The following ZBTB20 variants were observed in gnomAD, a reference collection of about 807,000 sequenced individuals.
ZBTB20 encodes the protein zinc finger and BTB domain containing 20.
In ZBTB20, 9 loss-of-function variants were observed where a neutral mutation model predicts 56.9. That is an observed-to-expected ratio of 0.16 (90% CI 0.10 to 0.28). The LOEUF (loss-of-function observed/expected upper bound fraction) is 0.28. Among genes scored for constraint, ZBTB20 ranks in the 10% least tolerant of loss-of-function variants. ZBTB20 has a pLI of 1.00. For synonymous variants in ZBTB20, 417 were observed against 420.7 expected (o/e 0.99, Z 0.11); for missense variants, 655 against 1,003.0 (o/e 0.65, Z 4.69).
intron 3 of ZBTB20, among the ~76,000 whole-genome samples, chr3:114,921,702 C>T (rs1358850023): frequency 8.2e-6 from 1 of 121,534 alleles, no homozygotes; most frequent in African/African-American, 3.3e-5. Context: ...CATCACACAC[C>T]AGAGCCTGTT....
At chr3:114,547,466 A>G (rs1292229667) in intron 6 of ZBTB20, among the ~76,000 whole-genome samples, 1 of 152,180 alleles carries the variant, frequency 6.6e-6, no homozygotes, top group Non-Finnish European at 1.5e-5. Flanking sequence ...ACTGAATGGT[A>G]ATGAAGGGCA....
intron 6 of ZBTB20, among the ~76,000 whole-genome samples, chr3:114,646,148 A>G (rs1426135229): frequency 7.0e-6 from 1 of 143,300 alleles, no homozygotes. Flanking sequence ...TACAGAAAAA[A>G]GAAGCGTTAT....
At chr3:114,371,555 A>G (rs909016641) in intron 10 of ZBTB20, among the ~76,000 whole-genome samples, 3 of 152,206 alleles carry the variant, frequency 2.0e-5, no homozygotes, top group Non-Finnish European at 4.4e-5. Context: ...TCCAGTTTAT[A>G]AAACTGCGTC....
chr3:114,425,542 A>G (rs1166398040), intron 7 of ZBTB20, among the ~76,000 whole-genome samples: 1 of 152,154 alleles, frequency 6.6e-6, no homozygotes, highest in Non-Finnish European at 1.5e-5. Context: ...ATAATTTATA[A>G]TCTTGGCTCA....
Position 114,413,384 on chromosome 3 carries a change from G to A in ZBTB20, c.-254-24279C>T, listed in dbSNP as rs183097077. On this transcript the variant is annotated intron_variant, in intron 7 of 11. Transcript: ENST00000675478. Reference sequence around the variant, plus strand: ...CAATCAACTTATAAAATTCATTAAAGGTCGATGACATAAATAGTATCACAA... The same window carrying A: ...CAATCAACTTATAAAATTCATTAAAAGTCGATGACATAAATAGTATCACAA... 5.3e-3 allele frequency among the ~76,000 whole-genome samples: 801 copies of A among 152,222 alleles called. 1 individual carries two copies. The highest frequency in any genetic ancestry group is 8.6e-3 in the Non-Finnish European group (588 of 67,988).
chr3:114,700,384 A>T (rs1376494323), intron 5 of ZBTB20, among the ~76,000 whole-genome samples: 1 of 152,166 alleles, frequency 6.6e-6, no homozygotes, highest in Non-Finnish European at 1.5e-5. Flanking sequence ...AAACTGCAAT[A>T]AGATATTGAC....
chr3:115,100,067 T>C (rs1257591984), intron 1 of ZBTB20: 3 of 151,642 alleles, frequency 2.0e-5, no homozygotes, highest in African/African-American at 7.3e-5. Context: ...AATCTGGAAA[T>C]TAAAATTCAA....
At chr3:114,567,105 T>C (rs1370425856) in intron 6 of ZBTB20, among the ~76,000 whole-genome samples, 3 of 152,208 alleles carry the variant, frequency 2.0e-5, no homozygotes, top group South Asian at 2.1e-4. Flanking sequence ...CTCAGTGCAA[T>C]GGCCACACAG....
At chr3:114,672,653 C>A (rs1434807191) in intron 6 of ZBTB20, among the ~76,000 whole-genome samples, 1 of 152,188 alleles carries the variant, frequency 6.6e-6, no homozygotes, top group African/African-American at 2.4e-5. Flanking sequence ...CTTTCCTTTA[C>A]ATTTAAATCC....
intron 5 of ZBTB20, among the ~76,000 whole-genome samples, chr3:114,737,899 C>T (rs181916199): frequency 5.9e-5 from 9 of 152,176 alleles, no homozygotes; most frequent in Non-Finnish European, 1.0e-4. Context: ...GGAAAAATAT[C>T]CCACATTCAT....
At position 114,328,088 on chromosome 3, in the gene ZBTB20, G is replaced by A. The variant is rs1043223762; in HGVS notation, c.*10917C>T. 3.9e-5 allele frequency: 6 copies of A among 152,078 alleles called. No individual in the cohort carries two copies. The highest frequency in any genetic ancestry group is 7.4e-5 in the Non-Finnish European group (5 of 68,002). 9.4% of individuals were successfully genotyped at this position (152,078 alleles called of 1,614,324 possible). ...GCATGGCTCTTTAGGTATCCATTTA[G>A]CTCTGTTATTATTTTATTTAAGTAT... On this transcript the variant is annotated 3_prime_UTR_variant, in exon 12 of 12. Transcript: ENST00000675478.
intron 4 of ZBTB20, among the ~76,000 whole-genome samples, chr3:114,846,768 T>G (rs923951912): frequency 1.2e-4 from 18 of 152,196 alleles, no homozygotes. Context: ...TTAAAACCAC[T>G]TCTGACACTA....
intron 7 of ZBTB20, among the ~76,000 whole-genome samples, chr3:114,480,562 T>A (rs2669899): frequency 0.62 from 94,497 of 152,002 alleles, 30,158 homozygotes; most frequent in East Asian, 0.7. Context: ...CAACACTGCT[T>A]GTGGATGTAT....
chr3:114,946,992 G>C (rs2076908195), intron 3 of ZBTB20, among the ~76,000 whole-genome samples: 1 of 144,764 alleles, frequency 6.9e-6, no homozygotes, highest in South Asian at 2.2e-4. Flanking sequence ...CAAAACGTGG[G>C]CAAAAGACAT....
intron 7 of ZBTB20, among the ~76,000 whole-genome samples, chr3:114,430,499 T>C (rs894573433): frequency 2.6e-5 from 4 of 152,218 alleles, no homozygotes; most frequent in Non-Finnish European, 5.9e-5. Context: ...GGATATCTAC[T>C]ATATGATGCT....
intron 3 of ZBTB20, among the ~76,000 whole-genome samples, chr3:114,919,957 AAG>A (rs1357384981): frequency 6.6e-6 from 1 of 152,188 alleles, no homozygotes; most frequent in African/African-American, 2.4e-5. Context: ...TGATAACCAA[AAG>A]AGAATAGGAG....
chr3:114,875,961 C>T, intron 4 of ZBTB20, among the ~76,000 whole-genome samples: 1 of 152,018 alleles, frequency 6.6e-6, no homozygotes, highest in Admixed American at 6.6e-5. Context: ...AGGCTCAGTG[C>T]AGTGGCTCAC....
At chr3:114,653,070 G>T (rs1414830257) in intron 6 of ZBTB20, among the ~76,000 whole-genome samples, 6 of 151,826 alleles carry the variant, frequency 4.0e-5, no homozygotes. Context: ...AACAATCATG[G>T]TATTTGTGAA....
chr3:114,340,956 A>G (rs1249796539), intron 11 of ZBTB20, among the ~76,000 whole-genome samples: 1 of 152,206 alleles, frequency 6.6e-6, no homozygotes, highest in Non-Finnish European at 1.5e-5. Flanking sequence ...ATCACCATGT[A>G]TTGAGTGCTT....
Sources: allele counts gnomAD v4.1 joint callset (sites outside exome capture counted in the v4.1 genomes callset), GRCh38; gene constraint gnomAD v4.1.1; transcripts MANE v1.5; gene names NCBI Gene and HGNC (gene_info 2026-07-23, HGNC 2026-07-21).